The following CDH13 variants were observed in gnomAD, a reference collection of about 807,000 sequenced individuals.
CDH13 encodes cadherin-13.
Under a neutral mutation model 63.8 loss-of-function variants are expected in CDH13, and 24 were observed. That is an observed-to-expected ratio of 0.38 (90% CI 0.27 to 0.53). The LOEUF is 0.53. CDH13 is among the 20% of genes least tolerant of loss of function. The pLI, the probability that CDH13 is intolerant of heterozygous loss-of-function variation, is 0.85. For missense variants in CDH13, 1,049 were observed against 903.1 expected, an observed-to-expected ratio of 1.16 and a Z score of -2.07; for synonymous variants, 503 against 355.3, an observed-to-expected ratio of 1.42 and a Z score of -4.67.
intron 3 of CDH13, among the ~76,000 whole-genome samples, chr16:83,048,562 C>T (rs2029906213): frequency 6.6e-6 from 1 of 152,176 alleles, no homozygotes; most frequent in African/African-American, 2.4e-5. Flanking sequence ...CTACAGTTTT[C>T]TGTAGCTGGC....
At chr16:83,161,273 T>C (rs1027522969) in intron 4 of CDH13, among the ~76,000 whole-genome samples, 8 of 152,220 alleles carry the variant, frequency 5.3e-5, no homozygotes, top group African/African-American at 7.2e-5. Flanking sequence ...ATCATGTCTG[T>C]AATCCTAGCA....
At chr16:82,961,572 T>A (rs1211380583) in intron 2 of CDH13, among the ~76,000 whole-genome samples, 1 of 103,406 alleles carries the variant, frequency 9.7e-6, no homozygotes, top group Non-Finnish European at 1.9e-5. Context: ...GCAGGGGACT[T>A]AAAAAAAAAA....
intron 11 of CDH13, among the ~76,000 whole-genome samples, chr16:83,762,523 A>G (rs968175280): frequency 1.3e-5 from 2 of 152,210 alleles, no homozygotes; most frequent in Admixed American, 6.5e-5. Flanking sequence ...CCCAGTGTCA[A>G]TACCACTCCT....
chr16:83,576,079 C>A (rs1228317828), intron 7 of CDH13, among the ~76,000 whole-genome samples: 1 of 152,240 alleles, frequency 6.6e-6, no homozygotes, highest in Non-Finnish European at 1.5e-5. Context: ...CGATGTTGTG[C>A]ATCCACCACC....
chr16:83,396,273 T>C (rs942341911), intron 6 of CDH13, among the ~76,000 whole-genome samples: 3 of 152,170 alleles, frequency 2.0e-5, no homozygotes, highest in African/African-American at 7.2e-5. Flanking sequence ...AGCTATAAAA[T>C]GGGGGTAATC....
At chr16:83,541,235 C>T (rs1352474384) in intron 7 of CDH13, among the ~76,000 whole-genome samples, 1 of 152,178 alleles carries the variant, frequency 6.6e-6, no homozygotes, top group African/African-American at 2.4e-5. Flanking sequence ...GCCCAACACT[C>T]TTCCTTAGAA....
At chr16:83,678,556 T>G in intron 10 of CDH13, 95 bp downstream of exon 10, 1 of 1,430,574 alleles carries the variant, frequency 7.0e-7, no homozygotes, top group East Asian at 2.4e-5. Flanking sequence ...CAGACACCAT[T>G]AAATTAAACT....
At chr16:83,677,847 A>G (rs1915088940) in intron 9 of CDH13, among the ~76,000 whole-genome samples, 1 of 152,070 alleles carries the variant, frequency 6.6e-6, no homozygotes, top group Non-Finnish European at 1.5e-5. Context: ...ATTGCCAGGG[A>G]GTTGCCTAAC....
At chr16:83,385,503 A>C (rs946219131) in intron 6 of CDH13, among the ~76,000 whole-genome samples, 1 of 152,236 alleles carries the variant, frequency 6.6e-6, no homozygotes, top group African/African-American at 2.4e-5. Flanking sequence ...CCATAATCTC[A>C]GTGTCTTAAT....
intron 7 of CDH13, among the ~76,000 whole-genome samples, chr16:83,563,489 T>C (rs577002107): frequency 6.6e-6 from 1 of 152,328 alleles, no homozygotes; most frequent in African/African-American, 2.4e-5. Context: ...GTTTGAGATG[T>C]TCAGAATTTA....
At chr16:82,804,444 A>G (rs576156121) in intron 1 of CDH13, among the ~76,000 whole-genome samples, 1 of 152,196 alleles carries the variant, frequency 6.6e-6, no homozygotes, top group Admixed American at 6.6e-5. Flanking sequence ...TACATTTAAC[A>G]TGTGCAGTTT....
At chr16:83,144,291 T>C (rs911846403) in intron 4 of CDH13, among the ~76,000 whole-genome samples, 1 of 152,246 alleles carries the variant, frequency 6.6e-6, no homozygotes, top group Admixed American at 6.5e-5. Context: ...CTCTTCCAAA[T>C]AGTTGAAGTT....
At chr16:82,899,609 G>T (rs955866668) in intron 2 of CDH13, among the ~76,000 whole-genome samples, 6 of 152,118 alleles carry the variant, frequency 3.9e-5, no homozygotes, top group Non-Finnish European at 8.8e-5. Context: ...CTGTGTGTGT[G>T]TGTGTGTTTG....
intron 2 of CDH13, among the ~76,000 whole-genome samples, chr16:83,012,410 A>C (rs1914258305): frequency 4.0e-5 from 6 of 151,538 alleles, no homozygotes; most frequent in Admixed American, 3.9e-4. Flanking sequence ...GAAAATATAA[A>C]ATAAAATCGC....
At chr16:83,728,130 A>ACAG (rs1042286009) in intron 10 of CDH13, among the ~76,000 whole-genome samples, 24 of 152,142 alleles carry the variant, frequency 1.6e-4, no homozygotes, top group African/African-American at 5.6e-4. Context: ...GAAAGGGGGA[A>ACAG]CAGCACCGCG....
chr16:82,707,422 C>T (rs193169503), intron 1 of CDH13, among the ~76,000 whole-genome samples: 2 of 152,308 alleles, frequency 1.3e-5, no homozygotes, highest in Admixed American at 6.5e-5. Flanking sequence ...GTGCCACCAG[C>T]ACATACAGAA....
At chr16:83,671,197 C>T (rs1914469686) in intron 9 of CDH13, among the ~76,000 whole-genome samples, 1 of 152,112 alleles carries the variant, frequency 6.6e-6, no homozygotes, top group African/African-American at 2.4e-5. Flanking sequence ...TCTAAAATAC[C>T]CAAACTTATG....
At chr16:83,516,405 A>G (rs923094099) in intron 7 of CDH13, among the ~76,000 whole-genome samples, 2 of 152,204 alleles carry the variant, frequency 1.3e-5, no homozygotes, top group African/African-American at 2.4e-5. Flanking sequence ...AATAGTGTCA[A>G]CATTACAGTA....
intron 6 of CDH13, among the ~76,000 whole-genome samples, chr16:83,417,897 A>G (rs186427843): frequency 6.6e-6 from 1 of 152,274 alleles, no homozygotes; most frequent in African/African-American, 2.4e-5. Flanking sequence ...GGAGAGAGAG[A>G]GAAAGAGAAA....
Sources: gnomAD v4.1 joint callset for allele counts (sites outside exome capture counted in the v4.1 genomes callset) on GRCh38, gnomAD v4.1.1 for gene constraint, MANE v1.5 for transcripts, NCBI Gene and HGNC (gene_info 2026-07-23, HGNC 2026-07-21) for gene names.